Variants in KLHL1 observed in about 807,000 individuals in gnomAD.
KLHL1 encodes kelch-like protein 1.
In KLHL1, 47 loss-of-function variants were observed where a neutral mutation model predicts 77.7. The observed-to-expected ratio is 0.60, with a 90% CI of 0.48 to 0.77. The LOEUF (loss-of-function observed/expected upper bound fraction) is 0.77, where lower values mean the gene tolerates loss of function less well. Among genes scored for constraint, KLHL1 ranks in the 30% least tolerant of loss-of-function variants. The pLI, the probability that KLHL1 is intolerant of heterozygous loss-of-function variation, is 0.00. For synonymous variants in KLHL1, 360 were observed against 325.2 expected (o/e 1.11, Z -1.15); for missense variants, 925 against 910.8 (o/e 1.02, Z -0.20).
intron 1 of KLHL1, among the ~76,000 whole-genome samples, chr13:70,058,948 T>C (rs1886811762): frequency 6.6e-6 from 1 of 152,056 alleles, no homozygotes; most frequent in Non-Finnish European, 1.5e-5. Context: ...GTGCCGATAA[T>C]ATACAATGGG....
chr13:70,022,828 C>A (rs1176650903), intron 1 of KLHL1, among the ~76,000 whole-genome samples: 2 of 151,904 alleles, frequency 1.3e-5, no homozygotes, highest in East Asian at 3.9e-4. Context: ...TAATCTCATG[C>A]CTTCTTTGAT....
At position 69,837,656 on chromosome 13, in the gene KLHL1, A is replaced by G. The variant is rs867550243; in HGVS notation, c.1414+1320T>C. Among the ~76,000 whole-genome samples, 11 of 137,126 alleles carry G rather than the reference A, an allele frequency of 8.0e-5. 1 individual carries two copies. Among genetic ancestry groups the G allele is most frequent in the African/African-American group, 1.7e-4 (6 of 34,716 alleles). 90.0% of individuals were successfully genotyped at this position (137,126 alleles called of 152,430 possible). ...TATATATATATATGTGTATATATATATGTGTGTGTGTGTGTATATATATAT... is the reference window on the plus strand; with the variant it reads ...TATATATATATATGTGTATATATATGTGTGTGTGTGTGTGTATATATATAT... On this transcript the variant is annotated intron_variant, in intron 6 of 10. Coordinates refer to ENST00000377844, the MANE Select transcript of KLHL1 (RefSeq NM_020866.3).
At chr13:70,033,867 GC>G in intron 1 of KLHL1, among the ~76,000 whole-genome samples, 1 of 151,946 alleles carries the variant, frequency 6.6e-6, no homozygotes, top group African/African-American at 2.4e-5. Context: ...TGATCTTCCT[GC>G]CCCCACCTCT....
intron 1 of KLHL1, among the ~76,000 whole-genome samples, chr13:69,988,005 T>A (rs192815401): frequency 6.6e-6 from 1 of 152,000 alleles, no homozygotes; most frequent in African/African-American, 2.4e-5. Context: ...AGGCTTGTTA[T>A]AGAGGCGAAC....
intron 6 of KLHL1, among the ~76,000 whole-genome samples, chr13:69,811,043 C>A (rs980453648): frequency 1.3e-5 from 2 of 152,092 alleles, no homozygotes; most frequent in Non-Finnish European, 2.9e-5. Flanking sequence ...ATCAGACATA[C>A]AAAGAAGAGC....
At chr13:69,870,945 G>A (rs1437933677) in intron 5 of KLHL1, among the ~76,000 whole-genome samples, 1 of 152,052 alleles carries the variant, frequency 6.6e-6, no homozygotes, top group East Asian at 1.9e-4. Context: ...CCAGGCTGAG[G>A]TGCAAACTGC....
chr13:69,782,427 A>G lies in KLHL1; in HGVS notation c.1639+14311T>C, dbSNP rs189077881. On this transcript the variant is annotated intron_variant, in intron 7 of 10. Transcript: ENST00000377844. ...CCTTTCCTAGTCAAAGAAAGGGGTGACAGACGGCACCTGGAAAATCGGGTC... is the reference window on the plus strand; with the variant it reads ...CCTTTCCTAGTCAAAGAAAGGGGTGGCAGACGGCACCTGGAAAATCGGGTC... Among the ~76,000 whole-genome samples, 349 of 152,342 alleles carry G rather than the reference A, an allele frequency of 2.3e-3. 7 individuals carry two copies. Among genetic ancestry groups the G allele is most frequent in the Admixed American group, 0.017 (260 of 15,304 alleles).
At chr13:70,072,408 T>G (rs1398675802) in intron 1 of KLHL1, among the ~76,000 whole-genome samples, 3 of 152,074 alleles carry the variant, frequency 2.0e-5, no homozygotes, top group African/African-American at 4.8e-5. Flanking sequence ...TTTTGAAAAT[T>G]GAAGAAATAT....
intron 6 of KLHL1, among the ~76,000 whole-genome samples, chr13:69,837,565 ATGTATAG>A: frequency 6.7e-6 from 1 of 148,972 alleles, no homozygotes; most frequent in African/African-American, 2.5e-5. Context: ...GTATATAAAT[ATGTATAG>A]ATATATAGTT....
Position 70,055,117 on chromosome 13 carries a change from A to G in KLHL1, c.497+52086T>C, listed in dbSNP as rs536710392. On this transcript the variant is annotated intron_variant, in intron 1 of 10. Coordinates refer to ENST00000377844, the MANE Select transcript of KLHL1 (RefSeq NM_020866.3). ...GACTTAACCCAAAGAAATTATCTCA[A>G]GACATTTATTAACCACACTCCCAAA... 3.9e-5 allele frequency among the ~76,000 whole-genome samples: 6 copies of G among 152,254 alleles called. No individual in the cohort carries two copies. The South Asian group carries it at 1.2e-3, about 32-fold the overall frequency.
intron 1 of KLHL1, among the ~76,000 whole-genome samples, chr13:70,052,680 A>G (rs919128088): frequency 6.6e-6 from 1 of 151,886 alleles, no homozygotes; most frequent in African/African-American, 2.4e-5. Context: ...TTAAAAGAGA[A>G]AACAAATCTA....
intron 4 of KLHL1, among the ~76,000 whole-genome samples, chr13:69,885,970 T>C (rs1881201293): frequency 6.6e-6 from 1 of 152,000 alleles, no homozygotes; most frequent in South Asian, 2.1e-4. Context: ...TATAAAGACA[T>C]AATCAGGGAG....
chr13:69,836,687 T>G (rs1879004378), intron 6 of KLHL1, among the ~76,000 whole-genome samples: 1 of 152,062 alleles, frequency 6.6e-6, no homozygotes, highest in Admixed American at 6.6e-5. Context: ...ATGTATTTTC[T>G]TATGCAATAT....
At chr13:69,992,913 G>A (rs115087297) in intron 1 of KLHL1, among the ~76,000 whole-genome samples, 1 of 145,204 alleles carries the variant, frequency 6.9e-6, no homozygotes, top group East Asian at 2.0e-4. Context: ...ATATAAATAT[G>A]CTGCAGAGGG....
At position 69,830,265 on chromosome 13, in the gene KLHL1, G is replaced by T. The variant is rs548365192; in HGVS notation, c.1414+8711C>A. Among the ~76,000 whole-genome samples, 3 of 150,252 alleles carry T rather than the reference G, an allele frequency of 2.0e-5. 1 individual carries two copies. The highest frequency in any genetic ancestry group is 7.5e-5 in the African/African-American group (3 of 40,144). On this transcript the variant is annotated intron_variant, in intron 6 of 10. Coordinates refer to ENST00000377844, the MANE Select transcript of KLHL1 (RefSeq NM_020866.3). ...AAATGAGTGGAAAAAGATATTCCAT[G>T]CAAATGGACACCAAAAGTGAACAGG...
intron 8 of KLHL1, among the ~76,000 whole-genome samples, chr13:69,732,723 G>T (rs762277816): frequency 2.0e-5 from 3 of 151,432 alleles, no homozygotes; most frequent in Non-Finnish European, 2.9e-5. Flanking sequence ...AGCAAGAGTT[G>T]CTCTGTAGCA....
At chr13:69,967,530 A>G (rs1399526781) in intron 2 of KLHL1, among the ~76,000 whole-genome samples, 1 of 152,170 alleles carries the variant, frequency 6.6e-6, no homozygotes, top group Non-Finnish European at 1.5e-5. Flanking sequence ...GATTCTTGAG[A>G]TGGTGTCTAC....
At chr13:70,091,883 G>T (rs1476229795) in intron 1 of KLHL1, among the ~76,000 whole-genome samples, 4 of 152,082 alleles carry the variant, frequency 2.6e-5, no homozygotes, top group Non-Finnish European at 5.9e-5. Context: ...TTTTCACATG[G>T]ATGTGTAGAT....
chr13:69,964,342 C>T (rs1415806299), intron 2 of KLHL1, among the ~76,000 whole-genome samples: 7 of 152,110 alleles, frequency 4.6e-5, no homozygotes, highest in Non-Finnish European at 1.0e-4. Flanking sequence ...GCACCCAGAC[C>T]ATCTTGTTTG....
Sources: allele counts gnomAD v4.1 joint callset (sites outside exome capture counted in the v4.1 genomes callset), GRCh38; gene constraint gnomAD v4.1.1; transcripts MANE v1.5; gene names NCBI Gene and HGNC (gene_info 2026-07-23, HGNC 2026-07-21).